The following PCTP variants were observed in gnomAD, a reference collection of about 807,000 sequenced individuals.
PCTP encodes the protein START domain-containing protein 2.
PCTP carries 27 observed loss-of-function variants against 31.0 expected under a neutral mutation model. That is an observed-to-expected ratio of 0.87 (90% CI 0.64 to 1.20). PCTP has a LOEUF of 1.20. Among genes scored for constraint, PCTP ranks in the 50% most tolerant of loss-of-function variants. The pLI is 0.00. For missense variants in PCTP, 287 were observed against 268.2 expected (o/e 1.07, Z -0.49); for synonymous variants, 108 against 101.2 (o/e 1.07, Z -0.40).
At chr17:55,764,712 C>G (rs893541337) in intron 1 of PCTP, among the ~76,000 whole-genome samples, 1 of 152,178 alleles carries the variant, frequency 6.6e-6, no homozygotes, top group Non-Finnish European at 1.5e-5. Context: ...TTCAGGATCT[C>G]TAGAAAGATT....
At chr17:55,763,492 T>C (rs1400386242) in intron 1 of PCTP, among the ~76,000 whole-genome samples, 1 of 150,086 alleles carries the variant, frequency 6.7e-6, no homozygotes, top group Non-Finnish European at 1.5e-5. Flanking sequence ...CAAACATAAA[T>C]ATTCTGGAAA....
Position 55,799,438 on chromosome 17 carries a change from C to T in PCTP, c.317+11784C>T, listed in dbSNP as rs1198083393. Among the ~76,000 whole-genome samples, 3 of 148,478 alleles carry T rather than the reference C, an allele frequency of 2.0e-5. No individual in the cohort carries two copies. In the Admixed American group the frequency reaches 2.0e-4, roughly 10 times the overall value. On this transcript the variant is annotated intron_variant, in intron 3 of 3. Coordinates refer to the PCTP transcript ENST00000572536. Reference sequence around the variant, plus strand: ...TTCCATTTGCTTGGTAAATATTCCTCCATCCCTTTGTTTTGAGCCTATGTG... The same window carrying T: ...TTCCATTTGCTTGGTAAATATTCCTTCATCCCTTTGTTTTGAGCCTATGTG...
At chr17:55,849,439 A>T in the PCTP span, among the ~76,000 whole-genome samples, 1 of 152,168 alleles carries the variant, frequency 6.6e-6, no homozygotes, top group Non-Finnish European at 1.5e-5. Flanking sequence ...TCTGGCCAAC[A>T]TGGTGAAACC....
intron 3 of PCTP, among the ~76,000 whole-genome samples, chr17:55,819,467 G>T (rs1913042505): frequency 6.6e-6 from 1 of 152,194 alleles, no homozygotes; most frequent in Admixed American, 6.5e-5. Context: ...TACAGGCCGG[G>T]TGCAGAGGCT....
chr17:55,779,768 T>A (rs1044340066), downstream of PCTP, among the ~76,000 whole-genome samples: 6 of 152,312 alleles, frequency 3.9e-5, no homozygotes, highest in East Asian at 7.7e-4. Flanking sequence ...CCTATTACTT[T>A]GAATCCTCTC....
At chr17:55,810,261 C>T (rs1912706145) in intron 3 of PCTP, among the ~76,000 whole-genome samples, 2 of 152,208 alleles carry the variant, frequency 1.3e-5, no homozygotes, top group South Asian at 4.1e-4. Flanking sequence ...AAGTGATCCT[C>T]CTGCCTTGGC....
intron 5 of PCTP, chr17:55,775,760 C>G (rs1911293928): frequency 8.0e-7 from 1 of 1,256,536 alleles, no homozygotes; most frequent in South Asian, 3.3e-5. Flanking sequence ...TTCTTTTTTC[C>G]AGAAACACTG....
intron 1 of PCTP, among the ~76,000 whole-genome samples, chr17:55,763,294 G>A (rs1343300795): frequency 2.0e-5 from 3 of 152,076 alleles, no homozygotes; most frequent in Non-Finnish European, 4.4e-5. Context: ...GGTGCCCAAC[G>A]CTGGTGAGAT....
At chr17:55,813,782 C>CCTGT (rs1325331877) in intron 3 of PCTP, among the ~76,000 whole-genome samples, 1 of 152,136 alleles carries the variant, frequency 6.6e-6, no homozygotes. Flanking sequence ...GTGGCTCACG[C>CCTGT]CTGTAATCCT....
At chr17:55,773,391 C>T (rs183169537) in intron 3 of PCTP, among the ~76,000 whole-genome samples, 10 of 152,294 alleles carry the variant, frequency 6.6e-5, no homozygotes, top group Admixed American at 6.5e-4. Flanking sequence ...GAGTAGCTTA[C>T]CTAGGACCAC....
At chr17:55,775,461 A>G in intron 5 of PCTP, 2 of 1,227,662 alleles carry the variant, frequency 1.6e-6, no homozygotes, top group Non-Finnish European at 2.0e-6. Context: ...TTTGGAGTCA[A>G]ACAGACGCAA....
chr17:55,822,082 C>T (rs925720434), intron 3 of PCTP, among the ~76,000 whole-genome samples: 2 of 152,156 alleles, frequency 1.3e-5, no homozygotes, highest in African/African-American at 2.4e-5. Context: ...TTATGTCTTG[C>T]GTTTGAAAGT....
chr17:55,841,462 A>G (rs553970921), intron 5 of PCTP, among the ~76,000 whole-genome samples: 8 of 152,298 alleles, frequency 5.3e-5, no homozygotes, highest in African/African-American at 1.9e-4. Flanking sequence ...TGCAGATTAT[A>G]TTTTTACTGA....
At position 55,815,230 on chromosome 17, in the gene PCTP, TA is replaced by T. The variant is rs527326793; in HGVS notation, c.318-7528del. On this transcript the variant is annotated intron_variant, in intron 3 of 3. Transcript: ENST00000572536. ...TGAAATTATTGGGAATTATTTATAG[TA>T]AATACACTTGATAATTTTGCTTTTG... 1.3e-3 allele frequency among the ~76,000 whole-genome samples: 203 copies of T among 152,326 alleles called. 2 individuals are homozygous for T. Among genetic ancestry groups the T allele is most frequent in the African/African-American group, 4.6e-3 (192 of 41,572 alleles).
Position 55,842,351 on chromosome 17 carries a change from T to G in PCTP, n.506-376T>G, listed in dbSNP as rs868270434. On this transcript the variant is annotated intron_variant and non_coding_transcript_variant, in intron 5 of 5. Coordinates refer to the PCTP transcript ENST00000576221. ...AACTTCAGAGCAAATGGGAACTGTT[T>G]GGTTTAAGTTACGTGTTTTTTCCAT... 2.6e-5 allele frequency among the ~76,000 whole-genome samples: 4 copies of G among 152,218 alleles called. No homozygotes were observed. The South Asian group carries it at 8.3e-4, about 32-fold the overall frequency.
At chr17:55,757,172 G>T (rs1197914651) in intron 1 of PCTP, among the ~76,000 whole-genome samples, 2 of 151,198 alleles carry the variant, frequency 1.3e-5, no homozygotes, top group Non-Finnish European at 2.9e-5. Flanking sequence ...CATTGAGTGT[G>T]CATTAGAATA....
chr17:55,845,696 C>T (rs1247243623), downstream of PCTP, among the ~76,000 whole-genome samples: 1 of 152,146 alleles, frequency 6.6e-6, no homozygotes, highest in Non-Finnish European at 1.5e-5. Context: ...GCGCGGCGGG[C>T]CCTGCGGCCT....
At chr17:55,764,050 A>G (rs1910498957) in intron 1 of PCTP, among the ~76,000 whole-genome samples, 1 of 152,074 alleles carries the variant, frequency 6.6e-6, no homozygotes, top group Non-Finnish European at 1.5e-5. Context: ...TGGTTGTTCT[A>G]TTTTTCTCTT....
At chr17:55,817,548 G>A (rs1314065968) in intron 3 of PCTP, among the ~76,000 whole-genome samples, 1 of 152,156 alleles carries the variant, frequency 6.6e-6, no homozygotes, top group Non-Finnish European at 1.5e-5. Context: ...AGAATGGGAG[G>A]GTGCTCCTGC....
Sources: gnomAD v4.1 joint callset for allele counts (sites outside exome capture counted in the v4.1 genomes callset) on GRCh38, gnomAD v4.1.1 for gene constraint, MANE v1.5 for transcripts, NCBI Gene and HGNC (gene_info 2026-07-23, HGNC 2026-07-21) for gene names.